The following PBX3 variants were observed in gnomAD, a reference collection of about 807,000 sequenced individuals.
PBX3 encodes the protein PBX homeobox 3, also known as pre-B-cell leukemia transcription factor 3.
PBX3 carries 14 observed loss-of-function variants against 48.5 expected under a neutral mutation model. That is an observed-to-expected ratio of 0.29 (90% CI 0.19 to 0.45). The LOEUF is 0.45. PBX3 is among the 20% of genes least tolerant of loss of function. PBX3 has a pLI of 1.00. For missense variants in PBX3, 386 were observed against 546.7 expected (o/e 0.71, Z 2.93); for synonymous variants, 210 against 200.3 (o/e 1.05, Z -0.41).
At chr9:125,788,089 A>G (rs904202729) in intron 2 of PBX3, among the ~76,000 whole-genome samples, 1 of 152,226 alleles carries the variant, frequency 6.6e-6, no homozygotes, top group African/African-American at 2.4e-5. Context: ...ACAATTATTA[A>G]TATTAGTTAA....
intron 2 of PBX3, among the ~76,000 whole-genome samples, chr9:125,756,969 T>C (rs182792416): frequency 6.6e-6 from 1 of 152,308 alleles, no homozygotes; most frequent in African/African-American, 2.4e-5. Context: ...TGAAGTTATT[T>C]TTGATTGAAA....
At chr9:125,911,768 A>G (rs1841208677) in intron 2 of PBX3, among the ~76,000 whole-genome samples, 1 of 152,174 alleles carries the variant, frequency 6.6e-6, no homozygotes, top group East Asian at 1.9e-4. Flanking sequence ...AGGAGAAAAA[A>G]AAATCAAACA....
At chr9:125,775,223 T>G (rs1837040661) in intron 2 of PBX3, among the ~76,000 whole-genome samples, 1 of 152,352 alleles carries the variant, frequency 6.6e-6, no homozygotes, top group East Asian at 1.9e-4. Flanking sequence ...TTATCACCAG[T>G]AGTGAGTGTG....
intron 2 of PBX3, among the ~76,000 whole-genome samples, chr9:125,908,671 C>T (rs1396589299): frequency 6.6e-6 from 1 of 151,982 alleles, no homozygotes; most frequent in African/African-American, 2.4e-5. Flanking sequence ...GTCACAAAGA[C>T]CCATAGGGAT....
At chr9:125,862,321 T>TAAGAACACCAGCATCAA (rs1383388257) in intron 2 of PBX3, among the ~76,000 whole-genome samples, 1 of 152,214 alleles carries the variant, frequency 6.6e-6, no homozygotes, top group Non-Finnish European at 1.5e-5. Context: ...TTACATATGG[T>TAAGAACACCAGCATCAA]AAGAACACCA....
intron 2 of PBX3, among the ~76,000 whole-genome samples, chr9:125,751,399 CAT>C (rs1186395728): frequency 1.3e-5 from 2 of 152,192 alleles, no homozygotes; most frequent in Non-Finnish European, 2.9e-5. Flanking sequence ...TTCTTATGCA[CAT>C]GGGGGATTTA....
intron 2 of PBX3, among the ~76,000 whole-genome samples, chr9:125,784,216 C>G (rs916404526): frequency 6.6e-6 from 1 of 152,102 alleles, no homozygotes; most frequent in Non-Finnish European, 1.5e-5. Flanking sequence ...GCAACCTCTG[C>G]CTCCCTGGTT....
At chr9:125,748,308 A>C in intron 1 of PBX3, 1 of 1,155,770 alleles carries the variant, frequency 8.7e-7, no homozygotes, top group Non-Finnish European at 1.1e-6. Context: ...TCGCGTCTGC[A>C]GTGGCCGAGG....
intron 5 of PBX3, among the ~76,000 whole-genome samples, chr9:125,941,468 C>G (rs1384189580): frequency 1.3e-5 from 2 of 152,136 alleles, no homozygotes; most frequent in Non-Finnish European, 2.9e-5. Flanking sequence ...CAAGGGAAAG[C>G]AGAGCTATCA....
At chr9:125,915,560 T>C in intron 2 of PBX3, 126 bp from the exon 3 acceptor site, 3 of 677,646 alleles carry the variant, frequency 4.4e-6, no homozygotes, top group Non-Finnish European at 7.4e-6. Flanking sequence ...AACAATGAAG[T>C]TCTCAGCATG....
At chr9:125,768,726 A>C (rs1266469181) in intron 2 of PBX3, among the ~76,000 whole-genome samples, 1 of 152,236 alleles carries the variant, frequency 6.6e-6, no homozygotes, top group African/African-American at 2.4e-5. Context: ...CCTCATACAG[A>C]TACCTAATTG....
intron 2 of PBX3, among the ~76,000 whole-genome samples, chr9:125,872,317 A>G (rs1213224319): frequency 6.6e-6 from 1 of 152,192 alleles, no homozygotes; most frequent in Non-Finnish European, 1.5e-5. Context: ...GGTACTAAAC[A>G]AACAAATAGG....
chr9:125,954,849 A>G (rs1362837344), intron 5 of PBX3, among the ~76,000 whole-genome samples: 2 of 152,122 alleles, frequency 1.3e-5, no homozygotes, highest in Non-Finnish European at 2.9e-5. Context: ...TGTATTTTTT[A>G]AATGGATAAT....
chr9:125,866,850 T>G (rs1839993796), intron 2 of PBX3, among the ~76,000 whole-genome samples: 1 of 152,234 alleles, frequency 6.6e-6, no homozygotes, highest in Non-Finnish European at 1.5e-5. Flanking sequence ...CTTTGGTGAT[T>G]TCCATGGTAC....
At chr9:125,791,702 A>C (rs1311084721) in intron 2 of PBX3, among the ~76,000 whole-genome samples, 1 of 151,846 alleles carries the variant, frequency 6.6e-6, no homozygotes, top group Admixed American at 6.6e-5. Context: ...TTGGGAGGCC[A>C]AGGCGGGAGG....
At chr9:125,880,408 C>T (rs1201313578) in intron 2 of PBX3, among the ~76,000 whole-genome samples, 1 of 152,192 alleles carries the variant, frequency 6.6e-6, no homozygotes, top group South Asian at 2.1e-4. Context: ...CAAAGTACTC[C>T]TCTCATTACA....
chr9:125,941,336 T>G (rs1771937322), intron 5 of PBX3, among the ~76,000 whole-genome samples: 2 of 152,230 alleles, frequency 1.3e-5, no homozygotes, highest in Non-Finnish European at 2.9e-5. Context: ...TTCATGGGCC[T>G]TCTAGGCCAT....
rs534281230 is a variant in PBX3, at chr9:125,866,426, T to G, written c.275-49260T>G. ...TCATTAATTATTTACTGGTGCTTAT[T>G]GTGTGTTAATCTCATTCTTTGCACT... On this transcript the variant is annotated intron_variant, in intron 2 of 8. Transcript: ENST00000373489. Among the ~76,000 whole-genome samples, 3 of 152,322 alleles carry G rather than the reference T, an allele frequency of 2.0e-5. No homozygotes were observed. The South Asian group carries it at 6.2e-4, about 32-fold the overall frequency.
intron 2 of PBX3, among the ~76,000 whole-genome samples, chr9:125,853,298 A>G (rs1172659981): frequency 6.6e-6 from 1 of 152,192 alleles, no homozygotes; most frequent in African/African-American, 2.4e-5. Context: ...AGTATTGTAT[A>G]CTTTTACTCT....
Sources: gnomAD v4.1 joint callset for allele counts (sites outside exome capture counted in the v4.1 genomes callset) on GRCh38, gnomAD v4.1.1 for gene constraint, MANE v1.5 for transcripts, NCBI Gene and HGNC (gene_info 2026-07-23, HGNC 2026-07-21) for gene names.